GRIK3: variants seen among roughly 807,000 people sequenced by gnomAD.
GRIK3 encodes glutamate receptor ionotropic, kainate 3.
A neutral mutation model predicts 102.5 loss-of-function variants in GRIK3; 29 were observed. That is an observed-to-expected ratio of 0.28 (90% CI 0.21 to 0.39). The LOEUF is 0.39. GRIK3 is among the 10% of genes least tolerant of loss of function. The pLI is 1.00. For synonymous variants in GRIK3, 511 were observed against 504.9 expected (o/e 1.01, Z -0.16); for missense variants, 908 against 1,252.4 (o/e 0.73, Z 4.15).
intron 9 of GRIK3, 24 bp from the exon 10 acceptor site, chr1:36,841,963 G>A (rs1338006235): frequency 6.3e-7 from 1 of 1,599,856 alleles, no homozygotes; most frequent in Non-Finnish European, 8.6e-7. Context: ...TGGGCAGGGT[G>A]TGACGAAGAC....
At chr1:36,903,024 G>C (rs1048376099) in intron 1 of GRIK3, among the ~76,000 whole-genome samples, 1 of 152,024 alleles carries the variant, frequency 6.6e-6, no homozygotes. Flanking sequence ...TCCTGACCTC[G>C]AGTGATCTGT....
At position 36,825,801 on chromosome 1, in the gene GRIK3, AG is replaced by A; in HGVS notation, c.1555del (p.Leu519Ter). 3 of 1,612,432 alleles carry A rather than the reference AG, an allele frequency of 1.9e-6. No homozygotes were observed. The highest frequency in any genetic ancestry group is 2.5e-6 in the Non-Finnish European group (3 of 1,179,206). On this transcript the variant is annotated frameshift_variant, in exon 11 of 16. Coordinates refer to ENST00000373091, the MANE Select transcript of GRIK3 (RefSeq NM_000831.4). LOFTEE classifies it high-confidence loss of function. ...DHKADLAVAPLTITHVREKAI... is the reference protein window; with the variant it reads ...DHKADLAVAPXTITHVREKAI... ...CTTCTCTCGAACATGGGTGATGGTC[AG>A]GGGGGCCACGGCCAGATCTGCCTTC...
chr1:37,008,108 G>A lies in GRIK3; in HGVS notation c.115+25886C>T, dbSNP rs146969196. ...CACCACATATGTCCCCTCCCAGCAC[G>A]CGGAGGGGCCTGGTTGAGAGGCTTT... On this transcript the variant is annotated intron_variant, in intron 1 of 15. Coordinates refer to ENST00000373091, the MANE Select transcript of GRIK3 (RefSeq NM_000831.4). 5.8e-3 allele frequency among the ~76,000 whole-genome samples: 888 copies of A among 152,272 alleles called. 12 individuals are homozygous for A. Among genetic ancestry groups the A allele is most frequent in the African/African-American group, 0.019 (809 of 41,560 alleles).
rs771734705 is a variant in GRIK3, at chr1:36,880,593, C to A, written c.550+41G>T. The A allele has an allele frequency of 2.5e-6, 4 of 1,602,166 alleles. No homozygotes were observed. Among genetic ancestry groups the A allele is most frequent in the Non-Finnish European group, 3.4e-6 (4 of 1,170,430 alleles). On this transcript the variant is annotated intron_variant, in intron 3 of 15. Coordinates refer to ENST00000373091, the MANE Select transcript of GRIK3 (RefSeq NM_000831.4). The surrounding 1 kb of genome is among the most constrained non-coding windows in gnomAD (Gnocchi z 5.4). ...AGCTTGATCCTGGGCCTCTGCCCCC[C>A]TCAACCGTTGCCCCCAGCCTAGCCA...
chr1:36,858,087 G>C (rs577164224), intron 7 of GRIK3, among the ~76,000 whole-genome samples: 1 of 152,288 alleles, frequency 6.6e-6, no homozygotes, highest in South Asian at 2.1e-4. Context: ...CTTCTAGAGG[G>C]CTTCCCCCAC....
intron 1 of GRIK3, among the ~76,000 whole-genome samples, chr1:37,011,056 T>C (rs1642591438): frequency 6.6e-6 from 1 of 152,190 alleles, no homozygotes; most frequent in Non-Finnish European, 1.5e-5. Context: ...GTACCACTTT[T>C]GTCCCGCCAG....
chr1:36,870,793 C>T (rs1037509840), intron 4 of GRIK3, among the ~76,000 whole-genome samples: 24 of 152,084 alleles, frequency 1.6e-4, no homozygotes, highest in African/African-American at 5.8e-4. Flanking sequence ...AAATTGGGCA[C>T]AAGAATTCTC....
chr1:36,889,747 C>A (rs1403812179), intron 2 of GRIK3, among the ~76,000 whole-genome samples: 1 of 152,128 alleles, frequency 6.6e-6, no homozygotes, highest in African/African-American at 2.4e-5. Flanking sequence ...GGTCCCTGTG[C>A]TGAATCACAG....
chr1:36,970,666 C>T (rs1178496864), intron 1 of GRIK3, among the ~76,000 whole-genome samples: 9 of 152,166 alleles, frequency 5.9e-5, no homozygotes, highest in Admixed American at 5.9e-4. Context: ...AACTGGCTCC[C>T]AACACTTCTC....
At position 36,823,135 on chromosome 1, in the gene GRIK3, G is replaced by T. The variant is rs146911011; in HGVS notation, c.1754+2468C>A. 2.8e-3 allele frequency among the ~76,000 whole-genome samples: 429 copies of T among 152,174 alleles called. 5 individuals carry two copies. Among genetic ancestry groups the T allele is most frequent in the East Asian group, 0.027 (140 of 5,162 alleles). Reference sequence around the variant, plus strand: ...CACCAGGAGTGAAGGGGAGATGGCCGCATTCACCCTACAGATATGTTGTGC... The same window carrying T: ...CACCAGGAGTGAAGGGGAGATGGCCTCATTCACCCTACAGATATGTTGTGC... On this transcript the variant is annotated intron_variant, in intron 11 of 15. Transcript: ENST00000373091.
At chr1:36,953,708 C>T (rs1641871712) in intron 1 of GRIK3, among the ~76,000 whole-genome samples, 1 of 151,964 alleles carries the variant, frequency 6.6e-6, no homozygotes, top group Non-Finnish European at 1.5e-5. Flanking sequence ...ACGGAAGTGG[C>T]ACCCGAAGGT....
At chr1:36,925,049 A>G (rs2124307917) in intron 1 of GRIK3, among the ~76,000 whole-genome samples, 1 of 152,366 alleles carries the variant, frequency 6.6e-6, no homozygotes, top group African/African-American at 2.4e-5. Flanking sequence ...AATGGTAGAC[A>G]GTATCATGCA....
intron 1 of GRIK3, among the ~76,000 whole-genome samples, chr1:36,893,379 T>C (rs1462585053): frequency 6.6e-6 from 1 of 152,176 alleles, no homozygotes; most frequent in Non-Finnish European, 1.5e-5. Flanking sequence ...AGGACGAGTA[T>C]GAACCTTTAA....
chr1:36,873,399 T>A (rs529276912), intron 3 of GRIK3, among the ~76,000 whole-genome samples: 2 of 152,244 alleles, frequency 1.3e-5, no homozygotes, highest in East Asian at 3.9e-4. Flanking sequence ...TCTAATTAAG[T>A]TCGTTTCTGT....
At chr1:36,871,531 C>A (rs890204147) in intron 4 of GRIK3, among the ~76,000 whole-genome samples, 5 of 152,222 alleles carry the variant, frequency 3.3e-5, no homozygotes, top group Non-Finnish European at 1.5e-5. Flanking sequence ...CGCTGTGGCA[C>A]CCTTGGAGCG....
chr1:37,000,808 G>A (rs1412971509), intron 1 of GRIK3, among the ~76,000 whole-genome samples: 3 of 152,194 alleles, frequency 2.0e-5, no homozygotes, highest in East Asian at 1.9e-4. Flanking sequence ...GGAAATCACA[G>A]TGGGAGAAAA....
chr1:37,028,599 A>G lies in GRIK3; in HGVS notation c.115+5395T>C, dbSNP rs374219547. On this transcript the variant is annotated intron_variant, in intron 1 of 15. Transcript: ENST00000373091. ...TGGCCATCCTCCCAGAGGAGGACCAACATAGCCCAGCCAGTGAGACCTCAC... is the reference window on the plus strand; with the variant it reads ...TGGCCATCCTCCCAGAGGAGGACCAGCATAGCCCAGCCAGTGAGACCTCAC... Among the ~76,000 whole-genome samples, 4 of 152,346 alleles carry G rather than the reference A, an allele frequency of 2.6e-5. No homozygotes were observed. The East Asian group carries it at 7.7e-4, about 29-fold the overall frequency.
chr1:36,885,181 G>A (rs952041620), intron 2 of GRIK3, among the ~76,000 whole-genome samples: 40 of 152,214 alleles, frequency 2.6e-4, no homozygotes, highest in Admixed American at 9.8e-4. Context: ...TGGTGTTGAT[G>A]AGACTGACAA....
chr1:36,847,396 T>C (rs557681748), intron 9 of GRIK3, among the ~76,000 whole-genome samples: 53 of 152,248 alleles, frequency 3.5e-4, no homozygotes, highest in African/African-American at 1.3e-3. Flanking sequence ...GCCATGAAAC[T>C]GGAAGGCACT....
Sources: allele counts gnomAD v4.1 joint callset (sites outside exome capture counted in the v4.1 genomes callset), GRCh38; gene constraint gnomAD v4.1.1; non-coding constraint Gnocchi (gnomAD v3.1); transcripts MANE v1.5; gene names NCBI Gene and HGNC (gene_info 2026-07-23, HGNC 2026-07-21).